SNX29: variants seen among roughly 807,000 people sequenced by gnomAD.
SNX29 encodes the protein sorting nexin 29, also known as sorting nexin-29.
Under a neutral mutation model 102.1 loss-of-function variants are expected in SNX29, and 78 were observed. The ratio of observed to expected loss-of-function variants is 0.76; its 90% CI spans 0.64 to 0.92. The LOEUF is 0.92. SNX29 is among the 40% of genes least tolerant of loss of function. SNX29 has a pLI of 0.00. For synonymous variants in SNX29, 580 were observed against 414.5 expected (o/e 1.40, Z -4.85); for missense variants, 1,280 against 1,061.7 (o/e 1.21, Z -2.86).
At chr16:12,549,406 A>T (rs2077819266) in intron 20 of SNX29, among the ~76,000 whole-genome samples, 2 of 152,194 alleles carry the variant, frequency 1.3e-5, no homozygotes, top group African/African-American at 2.4e-5. Flanking sequence ...GAGGCAGGAG[A>T]ATCTCTTGAA....
chr16:12,524,572 C>A (rs1385748461), intron 19 of SNX29, 130 bp from the exon 20 acceptor site: 1 of 1,001,926 alleles, frequency 1.0e-6, no homozygotes, highest in Non-Finnish European at 1.4e-6. Context: ...AGGGACCATT[C>A]ATACGAGATA....
chr16:12,244,563 T>A (rs147898811), intron 14 of SNX29, among the ~76,000 whole-genome samples: 47 of 151,910 alleles, frequency 3.1e-4, no homozygotes, highest in African/African-American at 8.0e-4. Context: ...TGAGCCGAGA[T>A]CATGCCATTG....
chr16:11,997,833 C>T (rs138321406), intron 1 of SNX29, among the ~76,000 whole-genome samples: 8 of 152,252 alleles, frequency 5.3e-5, no homozygotes, highest in South Asian at 4.1e-4. Context: ...CATTTAACTC[C>T]GGTGTCCTCA....
Position 12,403,513 on chromosome 16 carries a change from C to G in SNX29, c.2021C>G (p.Ala674Gly). 1 of 1,607,200 alleles carries G rather than the reference C, an allele frequency of 6.2e-7. No homozygotes were observed. Among genetic ancestry groups the G allele is most frequent in the Non-Finnish European group, 8.5e-7 (1 of 1,176,766 alleles). Residue 674 changes from alanine (A) to glycine (G), a missense_variant, in exon 18 of 21, where the codon GCA becomes GGA. Coordinates refer to ENST00000566228, the MANE Select transcript of SNX29 (RefSeq NM_032167.5). Reference protein sequence around the residue: ...SVFLRGKAANAFHVYQVYIRI... With the variant: ...SVFLRGKAANGFHVYQVYIRI... ...TTTCTCCGGGGCAAAGCAGCAAATG[C>G]ATTCCACGTGTATCAGGTGAGTGCC...
At chr16:12,119,295 G>A (rs1247978961) in intron 11 of SNX29, among the ~76,000 whole-genome samples, 1 of 152,210 alleles carries the variant, frequency 6.6e-6, no homozygotes, top group Admixed American at 6.5e-5. Flanking sequence ...TGGGATGCCT[G>A]CCTTAAGGAT....
chr16:12,244,663 C>G (rs2078209998), intron 14 of SNX29, among the ~76,000 whole-genome samples: 1 of 152,038 alleles, frequency 6.6e-6, no homozygotes, highest in South Asian at 2.1e-4. Context: ...TTCTTGTGTG[C>G]TTCCTGGAAG....
chr16:12,416,739 G>C (rs1348757633), intron 18 of SNX29, among the ~76,000 whole-genome samples: 1 of 152,166 alleles, frequency 6.6e-6, no homozygotes, highest in Admixed American at 6.5e-5. Context: ...GAAGGAGCAA[G>C]AGAGAGGAGG....
chr16:12,115,371 G>A (rs562582315), intron 11 of SNX29, among the ~76,000 whole-genome samples: 23 of 151,852 alleles, frequency 1.5e-4, no homozygotes, highest in African/African-American at 5.6e-4. Context: ...TGAAACCCCA[G>A]GCAGGGATGG....
At position 12,118,313 on chromosome 16, in the gene SNX29, CTTTTTTTTTT is replaced by C. The variant is rs869186902; in HGVS notation, c.1403-8306_1403-8297del. Among the ~76,000 whole-genome samples, 10 of 86,122 alleles carry C rather than the reference CTTTTTTTTTT, an allele frequency of 1.2e-4. No homozygotes were observed. The Admixed American group carries it at 1.3e-3, about 11-fold the overall frequency. 56.5% of individuals were successfully genotyped at this position (86,122 alleles called of 152,430 possible). ...TGTAGATAGTAGATATACAGACCAC[CTTTTTTTTTT>C]TTTTTTTTTTTTTATGAGATGGAGT... On this transcript the variant is annotated intron_variant, in intron 11 of 20. Transcript: ENST00000566228.
At chr16:12,385,145 T>TG (rs2083299797) in intron 16 of SNX29, among the ~76,000 whole-genome samples, 1 of 152,188 alleles carries the variant, frequency 6.6e-6, no homozygotes, top group African/African-American at 2.4e-5. Flanking sequence ...CACTCCAGCC[T>TG]GGCAACAAGA....
intron 14 of SNX29, among the ~76,000 whole-genome samples, chr16:12,242,117 T>C (rs1364925087): frequency 1.3e-5 from 2 of 151,934 alleles, no homozygotes; most frequent in Non-Finnish European, 2.9e-5. Context: ...GAGAATTGGC[T>C]TCCCCAGCCA....
intron 14 of SNX29, among the ~76,000 whole-genome samples, chr16:12,224,330 G>A (rs1033162160): frequency 6.6e-5 from 10 of 151,354 alleles, no homozygotes; most frequent in African/African-American, 2.4e-4. Flanking sequence ...TGCTTTCTCC[G>A]ACAACTGTTT....
rs190437215 is a variant in SNX29 at position 12,569,927 on chromosome 16, G to A, written c.*1298G>A. On this transcript the variant is annotated 3_prime_UTR_variant, in exon 21 of 21. Transcript: ENST00000566228. ...AGGCAGAGACACAGCAGAACCTGAG[G>A]AGAAAAGCAGGTGGAAGGTGACGGT... 59 of 232,858 alleles carry A rather than the reference G, an allele frequency of 2.5e-4. No individual in the cohort carries two copies. Among genetic ancestry groups the A allele is most frequent in the Admixed American group, 1.2e-3 (21 of 17,762 alleles). The allele number at this position is 232,858 out of a possible 1,614,324, so 14.4% of individuals were successfully genotyped here. A position where few individuals can be genotyped will look rare whatever the true frequency, so the allele number is the denominator to read the frequency against.
intron 15 of SNX29, among the ~76,000 whole-genome samples, chr16:12,342,668 A>G (rs2081644648): frequency 6.6e-6 from 1 of 152,184 alleles, no homozygotes; most frequent in African/African-American, 2.4e-5. Flanking sequence ...CTATCATGTA[A>G]GAGCTCCTAT....
At chr16:12,058,554 C>T (rs1233266158) in intron 8 of SNX29, among the ~76,000 whole-genome samples, 4 of 126,304 alleles carry the variant, frequency 3.2e-5, no homozygotes, top group South Asian at 2.6e-4. Flanking sequence ...AGTGCAGTGG[C>T]GGGATCTCAG....
chr16:12,420,515 G>A (rs749744152), intron 18 of SNX29, among the ~76,000 whole-genome samples: 2 of 152,158 alleles, frequency 1.3e-5, no homozygotes, highest in Non-Finnish European at 2.9e-5. Context: ...GTTGGCAAGT[G>A]TTTGACATGG....
At chr16:12,506,581 G>A (rs1174779751) in intron 19 of SNX29, among the ~76,000 whole-genome samples, 1 of 152,198 alleles carries the variant, frequency 6.6e-6, no homozygotes, top group African/African-American at 2.4e-5. Flanking sequence ...AAAGGCTTTT[G>A]GCTATTTGAT....
chr16:12,063,366 C>CTTTTTTTTTTTTTTTTTTTTTCTTTT (rs2050863282), intron 9 of SNX29, among the ~76,000 whole-genome samples: 1 of 55,336 alleles, frequency 1.8e-5, no homozygotes, highest in Non-Finnish European at 3.3e-5. Context: ...CCTAGTCCAT[C>CTTTTTTTTTTTTTTTTTTTTTCTTTT]TTTTTTTTTT....
intron 20 of SNX29, among the ~76,000 whole-genome samples, chr16:12,531,176 C>G (rs892936220): frequency 2.6e-5 from 4 of 152,208 alleles, no homozygotes; most frequent in African/African-American, 9.6e-5. Context: ...AGCCACTCTT[C>G]CCAGGTGTGC....
Sources: gnomAD v4.1 joint callset for allele counts (sites outside exome capture counted in the v4.1 genomes callset) on GRCh38, gnomAD v4.1.1 for gene constraint, MANE v1.5 for transcripts, NCBI Gene and HGNC (gene_info 2026-07-23, HGNC 2026-07-21) for gene names.